PEAK1: variants seen among roughly 807,000 people sequenced by gnomAD.
PEAK1 encodes the protein pseudopodium enriched atypical kinase 1, also known as inactive tyrosine-protein kinase PEAK1.
PEAK1 carries 54 observed loss-of-function variants against 124.7 expected under a neutral mutation model. That is an observed-to-expected ratio of 0.43 (90% confidence interval 0.35 to 0.54). The LOEUF (loss-of-function observed/expected upper bound fraction) is 0.54. Ranked by LOEUF, PEAK1 falls within the 20% of genes least tolerant of loss-of-function variation. The pLI is 0.01. For missense variants in PEAK1, 2,046 were observed against 2,134.5 expected (o/e 0.96, Z 0.82); for synonymous variants, 719 against 760.0 (o/e 0.95, Z 0.89).
intron 5 of PEAK1, among the ~76,000 whole-genome samples, chr15:77,257,835 T>G (rs1378604218): frequency 6.6e-6 from 1 of 152,228 alleles, no homozygotes; most frequent in Non-Finnish European, 1.5e-5. Context: ...GGCCTAGGTT[T>G]TCTTCTAGGG....
At chr15:77,218,243 A>AT (rs1268779428) in intron 6 of PEAK1, among the ~76,000 whole-genome samples, 1 of 151,922 alleles carries the variant, frequency 6.6e-6, no homozygotes, top group Non-Finnish European at 1.5e-5. Context: ...CTATCTGTAG[A>AT]TTTTTTTGGT....
intron 6 of PEAK1, among the ~76,000 whole-genome samples, chr15:77,208,444 A>T (rs1037655177): frequency 9.2e-5 from 14 of 152,274 alleles, no homozygotes; most frequent in African/African-American, 3.4e-4. Flanking sequence ...TCCCTTGTCT[A>T]GAGTCACTAG....
At chr15:77,245,786 G>A (rs1033020852) in intron 6 of PEAK1, among the ~76,000 whole-genome samples, 8 of 152,076 alleles carry the variant, frequency 5.3e-5, no homozygotes, top group South Asian at 2.1e-4. Context: ...GAACATATGT[G>A]TGTATCTATT....
chr15:77,163,244 T>G (rs1390998336), intron 7 of PEAK1, among the ~76,000 whole-genome samples: 1 of 152,242 alleles, frequency 6.6e-6, no homozygotes, highest in Non-Finnish European at 1.5e-5. Context: ...TAATTGAGAT[T>G]TGGTATGTCT....
intron 1 of PEAK1, among the ~76,000 whole-genome samples, chr15:77,369,877 C>T (rs922509793): frequency 4.6e-5 from 7 of 152,080 alleles, no homozygotes; most frequent in African/African-American, 1.7e-4. Context: ...AAGTGCTTTA[C>T]ATCTCACCAC....
chr15:77,322,824 A>G (rs2065312186), intron 2 of PEAK1, among the ~76,000 whole-genome samples: 2 of 152,172 alleles, frequency 1.3e-5, no homozygotes, highest in African/African-American at 2.4e-5. Context: ...GAGACACAAC[A>G]ACAACAAAAA....
At chr15:77,258,865 T>C (rs934985155) in intron 5 of PEAK1, among the ~76,000 whole-genome samples, 1 of 152,196 alleles carries the variant, frequency 6.6e-6, no homozygotes, top group Non-Finnish European at 1.5e-5. Flanking sequence ...TGTGGGTTTG[T>C]CATAGATAGC....
At chr15:77,291,161 G>A (rs1216747271) in intron 2 of PEAK1, among the ~76,000 whole-genome samples, 1 of 152,262 alleles carries the variant, frequency 6.6e-6, no homozygotes, top group East Asian at 1.9e-4. Flanking sequence ...ACAGTAAAAC[G>A]TGAGATACAA....
chr15:77,192,726 G>C (rs2057899105), intron 6 of PEAK1, among the ~76,000 whole-genome samples: 1 of 152,136 alleles, frequency 6.6e-6, no homozygotes, highest in Non-Finnish European at 1.5e-5. Flanking sequence ...CACCAATTAG[G>C]AGAACCCTCA....
intron 8 of PEAK1, among the ~76,000 whole-genome samples, chr15:77,142,650 T>A (rs765614850): frequency 1.3e-5 from 2 of 152,196 alleles, no homozygotes; most frequent in Non-Finnish European, 2.9e-5. Context: ...AGTACTGATG[T>A]ATGTATGCTA....
At chr15:77,232,319 AC>A (rs2059941173) in intron 6 of PEAK1, among the ~76,000 whole-genome samples, 1 of 151,256 alleles carries the variant, frequency 6.6e-6, no homozygotes, top group Non-Finnish European at 1.5e-5. Context: ...CAGGAAACAC[AC>A]ACACACACAC....
Position 77,133,641 on chromosome 15 carries a change from A to T in PEAK1, c.3441T>A (p.Ala1147=), listed in dbSNP as rs1480410302. 13 of 1,614,078 alleles carry T rather than the reference A, an allele frequency of 8.1e-6. No individual in the cohort carries two copies. Among genetic ancestry groups the T allele is most frequent in the Non-Finnish European group, 1.1e-5 (13 of 1,180,012 alleles). ...GCAGTGGGGGTGGTGTAGGTTGGGA[A>T]GCATTGGGTGCTTCTTGGTCTGTTT... ...GGKTDQEAPN[A]SQPTPPPLPK... The change falls in exon 9 of 10, where the codon GCT becomes GCA. Residue 1147 remains alanine, a synonymous_variant. Coordinates refer to ENST00000682557, the MANE Select transcript of PEAK1 (RefSeq NM_001385026.1). The surrounding 1 kb of genome is among the most constrained non-coding windows in gnomAD (Gnocchi z 4.2).
Position 77,367,315 on chromosome 15 carries a change from A to G in PEAK1, c.-665-2090T>C, listed in dbSNP as rs372435141. ...TTTTTCATGTATACGATTCAAGAAC[A>G]GGTAAAACTAACTAATCTCCACTGA... is the stretch of plus-strand genomic sequence containing the variant. On this transcript the variant is annotated intron_variant, in intron 1 of 9. Coordinates refer to ENST00000682557, the MANE Select transcript of PEAK1 (RefSeq NM_001385026.1). Among the ~76,000 whole-genome samples the G allele has an allele frequency of 2.4e-3, 358 of 152,302 alleles. 1 individual carries two copies. Among genetic ancestry groups the G allele is most frequent in the African/African-American group, 8.2e-3 (341 of 41,568 alleles).
At chr15:77,223,886 A>ATTTTTTTT (rs10719377) in intron 6 of PEAK1, among the ~76,000 whole-genome samples, 8 of 121,588 alleles carry the variant, frequency 6.6e-5, no homozygotes, top group East Asian at 2.4e-4. Flanking sequence ...CATTTGAGAG[A>ATTTTTTTT]TTTTTTTTTT....
chr15:77,282,313 A>G (rs1351426013), intron 5 of PEAK1, among the ~76,000 whole-genome samples: 1 of 152,240 alleles, frequency 6.6e-6, no homozygotes, highest in Non-Finnish European at 1.5e-5. Flanking sequence ...AGCAGACTAC[A>G]TAGAAATAAA....
At chr15:77,117,523 T>C (rs2051498432) in intron 9 of PEAK1, among the ~76,000 whole-genome samples, 1 of 152,218 alleles carries the variant, frequency 6.6e-6, no homozygotes, top group Non-Finnish European at 1.5e-5. Flanking sequence ...ATCCTAATTT[T>C]TTGAAACAAT....
intron 6 of PEAK1, among the ~76,000 whole-genome samples, chr15:77,223,886 ATTTT>A (rs10719377): frequency 2.5e-5 from 3 of 121,584 alleles, no homozygotes; most frequent in South Asian, 2.8e-4. Flanking sequence ...CATTTGAGAG[ATTTT>A]TTTTTTTTTT....
At chr15:77,215,778 T>C (rs1190441611) in intron 6 of PEAK1, among the ~76,000 whole-genome samples, 1 of 152,198 alleles carries the variant, frequency 6.6e-6, no homozygotes, top group Non-Finnish European at 1.5e-5. Flanking sequence ...ATGTTGCCCC[T>C]GCACCTAGCC....
intron 5 of PEAK1, among the ~76,000 whole-genome samples, chr15:77,253,919 A>T (rs2061002592): frequency 6.6e-6 from 1 of 152,140 alleles, no homozygotes; most frequent in Admixed American, 6.5e-5. Flanking sequence ...TCTGGGTTGA[A>T]GCGATTCTCC....
Sources: allele counts gnomAD v4.1 joint callset (sites outside exome capture counted in the v4.1 genomes callset), GRCh38; gene constraint gnomAD v4.1.1; non-coding constraint Gnocchi (gnomAD v3.1); transcripts MANE v1.5; gene names NCBI Gene and HGNC (gene_info 2026-07-23, HGNC 2026-07-21).